SIDT1: variants seen among roughly 807,000 people sequenced by gnomAD.
SIDT1 encodes the protein SID1 transmembrane family, member 1.
A neutral mutation model predicts 107.5 loss-of-function variants in SIDT1; 101 were observed. That is an observed-to-expected ratio of 0.94 (90% CI 0.80 to 1.11). The LOEUF (loss-of-function observed/expected upper bound fraction) is 1.11, where lower values mean the gene tolerates loss of function less well. Among genes scored for constraint, SIDT1 ranks in the 50% least tolerant of loss-of-function variants. The pLI is 0.00. For missense variants in SIDT1, 1,076 were observed against 1,058.2 expected, an observed-to-expected ratio of 1.02 and a Z score of -0.23; for synonymous variants, 395 against 398.2, an observed-to-expected ratio of 0.99 and a Z score of 0.10.
At chr3:113,621,363 G>C (rs1437228007) in intron 21 of SIDT1, among the ~76,000 whole-genome samples, 2 of 152,006 alleles carry the variant, frequency 1.3e-5, no homozygotes, top group African/African-American at 4.8e-5. Context: ...ACAACACTTT[G>C]GGAGGCCGAG....
At chr3:113,613,320 A>T (rs540691217) in intron 19 of SIDT1, among the ~76,000 whole-genome samples, 1 of 152,182 alleles carries the variant, frequency 6.6e-6, no homozygotes, top group Non-Finnish European at 1.5e-5. Flanking sequence ...GGGCAGGTAG[A>T]CACTTCTGGC....
At chr3:113,616,403 A>T (rs1039856788) in intron 20 of SIDT1, among the ~76,000 whole-genome samples, 3 of 152,216 alleles carry the variant, frequency 2.0e-5, no homozygotes, top group Non-Finnish European at 4.4e-5. Context: ...CTAGTATATT[A>T]AAAAAGGAGA....
intron 6 of SIDT1, 150 bp downstream of exon 6, chr3:113,581,594 C>T (rs928851898): frequency 4.0e-5 from 26 of 656,704 alleles, no homozygotes; most frequent in Non-Finnish European, 6.9e-5. Context: ...TATGTCTGGC[C>T]AGGCGCAGTG....
intron 1 of SIDT1, among the ~76,000 whole-genome samples, chr3:113,562,491 A>G (rs1271564506): frequency 6.6e-6 from 1 of 152,264 alleles, no homozygotes; most frequent in Non-Finnish European, 1.5e-5. Context: ...TGAAGAATGG[A>G]TAAACAGGAT....
At position 113,627,806 on chromosome 3, in the gene SIDT1, A is replaced by AGAGGGTGAGTGGAGCAT; in HGVS notation, c.*98_*99insGAGGGTGAGTGGAGCAT. 2 of 1,120,362 alleles carry AGAGGGTGAGTGGAGCAT rather than the reference A, an allele frequency of 1.8e-6. No individual in the cohort carries two copies. The highest frequency in any genetic ancestry group is 2.7e-6 in the Non-Finnish European group (2 of 741,394). The allele number at this position is 1,120,362 out of a possible 1,614,324, so 69.4% of individuals were successfully genotyped here. A position where few individuals can be genotyped will look rare whatever the true frequency, so the allele number is the denominator to read the frequency against. On this transcript the variant is annotated 3_prime_UTR_variant, in exon 25 of 25. Coordinates refer to ENST00000264852, the MANE Select transcript of SIDT1 (RefSeq NM_017699.3). ...CAAAGTAACCACTGCCAGATGCTCC[A>AGAGGGTGAGTGGAGCAT]CTCACCCTCTGTAGAGCCAACTCTG...
downstream of SIDT1, among the ~76,000 whole-genome samples, chr3:113,630,815 T>G (rs1947087099): frequency 1.3e-5 from 2 of 152,148 alleles, no homozygotes; most frequent in Admixed American, 1.3e-4. Context: ...GACAGGATCC[T>G]CAGCTCACCC....
At chr3:113,619,914 C>A in intron 21 of SIDT1, 188 bp downstream of exon 21, 1 of 566,766 alleles carries the variant, frequency 1.8e-6, no homozygotes, top group Non-Finnish European at 3.2e-6. Flanking sequence ...TCTTAAAACA[C>A]TGATGCATTG....
chr3:113,532,896 G>T lies in SIDT1; in HGVS notation c.-126G>T. 3 of 603,516 alleles carry T rather than the reference G, an allele frequency of 5.0e-6. No individual in the cohort carries two copies. Among genetic ancestry groups the T allele is most frequent in the East Asian group, 3.6e-5 (1 of 27,686 alleles). The allele number at this position is 603,516 out of a possible 1,614,324, so 37.4% of individuals were successfully genotyped here. On this transcript the variant is annotated 5_prime_UTR_variant, in exon 1 of 25. Coordinates refer to ENST00000264852, the MANE Select transcript of SIDT1 (RefSeq NM_017699.3). ...CTGCCAGCCCTGGCCGGCTGGGTTC[G>T]CCAGGCATCACCCGCTCGGCTCTGA...
Position 113,615,100 on chromosome 3 carries a change from A to G in SIDT1, c.1967-1000A>G, listed in dbSNP as rs147577582. 14 of 1,535,044 alleles carry G rather than the reference A, an allele frequency of 9.1e-6. No individual in the cohort carries two copies. The East Asian group carries it at 2.9e-4, about 32-fold the overall frequency. ...CAGGTAATGTTCAGCCACCCTTTCC[A>G]GGGGTCTAGATTGTTTTTGTATCAA... On this transcript the variant is annotated intron_variant, in intron 19 of 24. Coordinates refer to ENST00000264852, the MANE Select transcript of SIDT1 (RefSeq NM_017699.3).
rs531926776 is a variant in SIDT1, at chr3:113,552,034, C to T, written c.223-14386C>T. Reference sequence around the variant, plus strand: ...ATAAGCCATGACAAACAGGACTAACCGACTGTTTCTGTCCCTCTAGATTTA... The same window carrying T: ...ATAAGCCATGACAAACAGGACTAACTGACTGTTTCTGTCCCTCTAGATTTA... On this transcript the variant is annotated intron_variant, in intron 1 of 24. Coordinates refer to ENST00000264852, the MANE Select transcript of SIDT1 (RefSeq NM_017699.3). 8.5e-5 allele frequency among the ~76,000 whole-genome samples: 13 copies of T among 152,110 alleles called. No individual in the cohort carries two copies. The South Asian group carries it at 2.5e-3, about 29-fold the overall frequency.
chr3:113,593,085 C>A, intron 10 of SIDT1, 37 bp downstream of exon 10: 2 of 1,559,944 alleles, frequency 1.3e-6, no homozygotes, highest in South Asian at 1.1e-5. Context: ...AAAATGGTGT[C>A]GCATAGTGTG....
intron 19 of SIDT1, chr3:113,615,070 T>C: frequency 6.5e-7 from 1 of 1,535,706 alleles, no homozygotes; most frequent in Non-Finnish European, 8.7e-7. Flanking sequence ...CAGATGTGTC[T>C]GACACAGGTA....
intron 1 of SIDT1, among the ~76,000 whole-genome samples, chr3:113,541,165 C>A (rs1025114142): frequency 6.8e-6 from 1 of 147,100 alleles, no homozygotes; most frequent in Admixed American, 6.7e-5. Flanking sequence ...CACACACACA[C>A]ATATTTTGAG....
At chr3:113,591,254 T>C (rs530783492) in intron 9 of SIDT1, among the ~76,000 whole-genome samples, 3 of 152,268 alleles carry the variant, frequency 2.0e-5, no homozygotes, top group African/African-American at 7.2e-5. Context: ...CACATTTTGG[T>C]ATTCTGACTC....
rs763233199 is a variant in SIDT1, at chr3:113,616,124, C to T, written c.1991C>T (p.Ala664Val). The T allele has an allele frequency of 1.2e-6, 2 of 1,614,010 alleles. No homozygotes were observed. Among genetic ancestry groups the T allele is most frequent in the Admixed American group, 3.3e-5 (2 of 60,028 alleles). Residue 664 changes from alanine to valine, a missense_variant, in exon 20 of 25, where the codon GCC becomes GTC. Transcript: ENST00000264852. ...KIDLGIFRRA[A>V]MVFYTDCIQQ... ...GATTTGGGAATTTTCCGGCGGGCTG[C>T]CATGGTGTTCTACACAGACTGTATC...
chr3:113,572,645 T>C (rs1347333924), intron 3 of SIDT1, among the ~76,000 whole-genome samples: 1 of 152,156 alleles, frequency 6.6e-6, no homozygotes. Flanking sequence ...AGAAAAATGA[T>C]TAGAACTTGA....
intron 14 of SIDT1, 27 bp downstream of exon 14, chr3:113,605,003 A>G (rs1945223601): frequency 6.2e-7 from 1 of 1,612,872 alleles, no homozygotes; most frequent in Non-Finnish European, 8.5e-7. Flanking sequence ...CCCCAGCCCC[A>G]GAGTCCCAGC....
chr3:113,532,935 C>A lies in SIDT1; in HGVS notation c.-87C>A. On this transcript the variant is annotated 5_prime_UTR_variant, in exon 1 of 25. Transcript: ENST00000264852. ...GCTCGGCTCTGAAGCGGACGCCTGG[C>A]CCTGCACCGGGCTTTGGAAGGACCC... 1.1e-6 allele frequency: 1 copy of A among 931,848 alleles called. No homozygotes were observed. The highest frequency in any genetic ancestry group is 1.4e-6 in the Non-Finnish European group (1 of 692,754). The allele number at this position is 931,848 out of a possible 1,614,324, so 57.7% of individuals were successfully genotyped here. A position where few individuals can be genotyped will look rare whatever the true frequency, so the allele number is the denominator to read the frequency against.
At chr3:113,623,314 T>TAAA in intron 21 of SIDT1, 113 bp from the exon 22 acceptor site, 4 of 464,642 alleles carry the variant, frequency 8.6e-6, no homozygotes, top group Admixed American at 4.0e-5. Flanking sequence ...AAATAAAAGT[T>TAAA]AAAAAAAAAA....
Sources: gnomAD v4.1 joint callset for allele counts (sites outside exome capture counted in the v4.1 genomes callset) on GRCh38, gnomAD v4.1.1 for gene constraint, MANE v1.5 for transcripts, NCBI Gene and HGNC (gene_info 2026-07-23, HGNC 2026-07-21) for gene names.